ADGRV1: variants seen among roughly 807,000 people sequenced by gnomAD.
ADGRV1 encodes the protein adhesion G protein-coupled receptor V1.
Under a neutral mutation model 596.2 loss-of-function variants are expected in ADGRV1, and 359 were observed. The observed-to-expected ratio is 0.60, with a 90% confidence interval of 0.55 to 0.66. ADGRV1 has a LOEUF of 0.66. Among genes scored for constraint, ADGRV1 ranks in the 30% least tolerant of loss-of-function variants. ADGRV1 has a pLI of 0.00. For missense variants in ADGRV1, 7,274 were observed against 7,575.6 expected (o/e 0.96, Z 1.48); for synonymous variants, 2,681 against 2,679.2 (o/e 1.00, Z -0.02).
chr5:91,158,573 A>G (rs1373679631), intron 89 of ADGRV1, among the ~76,000 whole-genome samples: 1 of 152,188 alleles, frequency 6.6e-6, no homozygotes, highest in Admixed American at 6.6e-5. Flanking sequence ...ATCCTGCACT[A>G]AAATATGTGT....
At chr5:90,895,222 G>A (rs1319478229) in intron 83 of ADGRV1, among the ~76,000 whole-genome samples, 2 of 151,786 alleles carry the variant, frequency 1.3e-5, no homozygotes, top group Non-Finnish European at 2.9e-5. Flanking sequence ...TGTTCACAGT[G>A]GTAAACAAAA....
intron 83 of ADGRV1, among the ~76,000 whole-genome samples, chr5:90,930,130 A>T (rs752911139): frequency 1.3e-5 from 2 of 150,760 alleles, no homozygotes; most frequent in Non-Finnish European, 2.9e-5. Flanking sequence ...AATCTTTGGT[A>T]AAAAAAATAC....
At chr5:90,685,584 G>A (rs1031333315) in intron 28 of ADGRV1, among the ~76,000 whole-genome samples, 196 bp from the exon 29 acceptor site, 27 of 148,470 alleles carry the variant, frequency 1.8e-4, no homozygotes, top group Non-Finnish European at 3.7e-4. Context: ...CTGCGTGGTA[G>A]AGAGTCCATC....
chr5:91,101,756 A>G (rs1177860132), intron 86 of ADGRV1, among the ~76,000 whole-genome samples: 1 of 151,384 alleles, frequency 6.6e-6, no homozygotes, highest in Non-Finnish European at 1.5e-5. Flanking sequence ...AGATGTGAGT[A>G]CAGGTTTTTC....
chr5:90,919,782 G>A (rs1561940032), intron 83 of ADGRV1, among the ~76,000 whole-genome samples: 3 of 151,984 alleles, frequency 2.0e-5, no homozygotes, highest in Non-Finnish European at 2.9e-5. Flanking sequence ...ATCACCTGAG[G>A]TCAGGAGTTC....
intron 50 of ADGRV1, among the ~76,000 whole-genome samples, chr5:90,738,859 G>C (rs2149872882): frequency 6.6e-6 from 1 of 152,178 alleles, no homozygotes; most frequent in Admixed American, 6.5e-5. Flanking sequence ...GCATTTTTCA[G>C]CCAGTATTTT....
chr5:91,106,048 A>G (rs536624770), intron 87 of ADGRV1, among the ~76,000 whole-genome samples: 1 of 151,884 alleles, frequency 6.6e-6, no homozygotes, highest in Non-Finnish European at 1.5e-5. Flanking sequence ...TAAAATTATA[A>G]AGTGAAGCAT....
intron 82 of ADGRV1, among the ~76,000 whole-genome samples, chr5:90,862,297 A>G (rs1052362776): frequency 1.8e-5 from 2 of 114,056 alleles, no homozygotes; most frequent in African/African-American, 6.9e-5. Context: ...CATATTTGTG[A>G]TCATGTGCCT....
At chr5:91,150,265 C>CTCTCTCTCTCTCTCTGTCTG (rs1795938232) in intron 88 of ADGRV1, 44 bp downstream of exon 88, 1 of 640,958 alleles carries the variant, frequency 1.6e-6, no homozygotes. Flanking sequence ...CTGTCTCTGT[C>CTCTCTCTCTCTCTCTGTCTG]TCTCTCTCTC....
At chr5:90,860,695 A>G (rs1767466761) in intron 82 of ADGRV1, among the ~76,000 whole-genome samples, 1 of 151,466 alleles carries the variant, frequency 6.6e-6, no homozygotes, top group Admixed American at 6.6e-5. Flanking sequence ...TTATTTTTGC[A>G]CCAATCTAAT....
intron 43 of ADGRV1, 182 bp downstream of exon 43, chr5:90,716,911 C>A: frequency 1.1e-5 from 5 of 457,624 alleles, no homozygotes; most frequent in South Asian, 5.4e-5. Flanking sequence ...CTGTATAAAG[C>A]GCAACTGGAA....
chr5:90,808,765 G>T (rs1762141953), intron 73 of ADGRV1, among the ~76,000 whole-genome samples: 1 of 152,014 alleles, frequency 6.6e-6, no homozygotes, highest in African/African-American at 2.4e-5. Context: ...GTGTGATGGT[G>T]CGTGCCTGTA....
intron 21 of ADGRV1, among the ~76,000 whole-genome samples, chr5:90,663,698 C>G (rs1260672348): frequency 1.3e-5 from 2 of 152,112 alleles, no homozygotes; most frequent in African/African-American, 4.8e-5. Context: ...ATGCCTGTGT[C>G]CTGAATGGTA....
At chr5:90,912,826 G>T (rs192372806) in intron 83 of ADGRV1, among the ~76,000 whole-genome samples, 1 of 152,208 alleles carries the variant, frequency 6.6e-6, no homozygotes, top group East Asian at 1.9e-4. Flanking sequence ...CTGTTGACAG[G>T]CACGTAGGTT....
At chr5:91,045,837 A>C (rs1785758102) in intron 85 of ADGRV1, among the ~76,000 whole-genome samples, 1 of 152,292 alleles carries the variant, frequency 6.6e-6, no homozygotes, top group East Asian at 1.9e-4. Flanking sequence ...TCTGGATACA[A>C]AATTAATGTA....
intron 45 of ADGRV1, among the ~76,000 whole-genome samples, chr5:90,721,576 T>TAAAAATAAAATACAAA (rs1554094707): frequency 8.3e-6 from 1 of 119,914 alleles, no homozygotes; most frequent in Non-Finnish European, 1.8e-5. Flanking sequence ...TAAAATAAAA[T>TAAAAATAAAATACAAA]AAAATAAAAT....
chr5:91,156,816 G>T (rs1796518028), intron 89 of ADGRV1, among the ~76,000 whole-genome samples: 1 of 152,100 alleles, frequency 6.6e-6, no homozygotes, highest in South Asian at 2.1e-4. Context: ...TCAAATAAAG[G>T]TCAGTCTACA....
At chr5:90,845,465 T>G (rs115989848) in intron 78 of ADGRV1, among the ~76,000 whole-genome samples, 2,638 of 152,276 alleles carry the variant, frequency 0.017, 81 homozygotes, top group African/African-American at 0.06. Flanking sequence ...AATGCCTGGA[T>G]CACAGCCTTT....
intron 74 of ADGRV1, among the ~76,000 whole-genome samples, chr5:90,813,400 T>C (rs1357510315): frequency 1.3e-5 from 2 of 151,974 alleles, no homozygotes; most frequent in Non-Finnish European, 2.9e-5. Context: ...GAGGACTCTT[T>C]AGGGGCTCAG....
Sources: allele counts gnomAD v4.1 joint callset (sites outside exome capture counted in the v4.1 genomes callset), GRCh38; gene constraint gnomAD v4.1.1; transcripts MANE v1.5; gene names NCBI Gene and HGNC (gene_info 2026-07-23, HGNC 2026-07-21).